The following RGS22 variants were observed in gnomAD, a reference collection of about 807,000 sequenced individuals.
RGS22 encodes the protein regulator of G protein signaling 22, also known as regulator of G-protein signaling 22.
In RGS22, 148 loss-of-function variants were observed where a neutral mutation model predicts 172.9. The observed-to-expected ratio is 0.86, with a 90% confidence interval of 0.75 to 0.98. The LOEUF (loss-of-function observed/expected upper bound fraction) is 0.98, where lower values mean the gene tolerates loss of function less well. RGS22 is among the 50% of genes least tolerant of loss of function. The pLI is 0.00. For missense variants in RGS22, 1,347 were observed against 1,440.8 expected (o/e 0.93, Z 1.05); for synonymous variants, 458 against 480.2 (o/e 0.95, Z 0.60).
chr8:100,051,443 TA>T (rs1283469948), intron 10 of RGS22, among the ~76,000 whole-genome samples: 6 of 100,926 alleles, frequency 5.9e-5, no homozygotes, highest in African/African-American at 2.0e-4. Context: ...TTTATATATT[TA>T]TTTATATTAT....
intron 3 of RGS22, among the ~76,000 whole-genome samples, chr8:100,083,347 A>G (rs908313592): frequency 5.3e-5 from 8 of 152,182 alleles, no homozygotes; most frequent in Non-Finnish European, 1.0e-4. Context: ...CCAGGGCAGT[A>G]TTTAAAGCAG....
In RGS22 at chr8:99,982,067, G is replaced by A. The variant is rs1812611927; in HGVS notation, c.3230C>T (p.Thr1077Ile). The A allele has an allele frequency of 6.2e-7, 1 of 1,613,764 alleles. No homozygotes were observed. The highest frequency in any genetic ancestry group is 8.5e-7 in the Non-Finnish European group (1 of 1,179,788). The change falls in exon 22 of 28, where the codon ACA becomes ATA. Residue 1077 changes from threonine to isoleucine, a missense_variant. Transcript: ENST00000360863. ...CDESVIQKKI[T>I]TIINCFINSS... ...ATTAATAAAGCAGTTGATAATAGTT[G>A]TAATCTTCTTCTGGATGACAGACTC...
chr8:100,022,319 G>A (rs993451640), intron 14 of RGS22, among the ~76,000 whole-genome samples: 4 of 152,198 alleles, frequency 2.6e-5, no homozygotes, highest in Non-Finnish European at 5.9e-5. Flanking sequence ...CAAAGCAAAT[G>A]AGAGCCTAAG....
chr8:99,979,842 A>G (rs1812359365), intron 22 of RGS22, among the ~76,000 whole-genome samples: 1 of 152,204 alleles, frequency 6.6e-6, no homozygotes, highest in Non-Finnish European at 1.5e-5. Flanking sequence ...GTTACAGTCT[A>G]ATGGGAAAGT....
At chr8:100,018,149 T>A (rs1817204152) in intron 14 of RGS22, among the ~76,000 whole-genome samples, 1 of 151,222 alleles carries the variant, frequency 6.6e-6, no homozygotes. Context: ...AAATGCACAA[T>A]GTGCTGCTTT....
intron 3 of RGS22, among the ~76,000 whole-genome samples, chr8:100,091,293 CCAA>C (rs902673808): frequency 4.9e-5 from 5 of 101,822 alleles, no homozygotes; most frequent in Admixed American, 8.6e-5. Context: ...AAGAGGAACT[CCAA>C]AAAAAAAAAA....
chr8:100,099,979 T>C (rs949098257), intron 2 of RGS22, among the ~76,000 whole-genome samples: 3 of 152,186 alleles, frequency 2.0e-5, no homozygotes, highest in African/African-American at 4.8e-5. Flanking sequence ...ATATTTTGTT[T>C]GAAAAAAACC....
chr8:100,022,080 T>C (rs1817652600), intron 14 of RGS22, among the ~76,000 whole-genome samples: 1 of 152,296 alleles, frequency 6.6e-6, no homozygotes, highest in East Asian at 1.9e-4. Flanking sequence ...TGAGGAGCTA[T>C]GCCGAGAGCG....
At chr8:100,090,937 T>C (rs1812528843) in intron 3 of RGS22, among the ~76,000 whole-genome samples, 1 of 152,144 alleles carries the variant, frequency 6.6e-6, no homozygotes, top group Non-Finnish European at 1.5e-5. Flanking sequence ...AGTAACATGA[T>C]TCAATTTATT....
At chr8:100,049,116 G>C (rs536662662) in intron 10 of RGS22, among the ~76,000 whole-genome samples, 104 of 152,266 alleles carry the variant, frequency 6.8e-4, no homozygotes, top group African/African-American at 2.3e-3. Flanking sequence ...GTAACTGATG[G>C]GGATGGGTGG....
At chr8:100,021,946 T>C (rs1203531498) in intron 14 of RGS22, among the ~76,000 whole-genome samples, 1 of 152,194 alleles carries the variant, frequency 6.6e-6, no homozygotes, top group Non-Finnish European at 1.5e-5. Flanking sequence ...TCTGAGTTCA[T>C]ATGCGGCAGA....
chr8:99,968,428 ACT>A (rs1268921018), intron 23 of RGS22, among the ~76,000 whole-genome samples: 1 of 152,016 alleles, frequency 6.6e-6, no homozygotes, highest in African/African-American at 2.4e-5. Context: ...GTAATAACAA[ACT>A]CTTCTGAGCT....
At chr8:100,061,603 T>C (rs763455986) in intron 9 of RGS22, among the ~76,000 whole-genome samples, 18 of 152,250 alleles carry the variant, frequency 1.2e-4, no homozygotes, top group Non-Finnish European at 2.4e-4. Flanking sequence ...TGAGATACCA[T>C]CTCAAGCCAG....
At chr8:100,066,441 T>A in intron 6 of RGS22, 145 bp from the exon 7 acceptor site, 6 of 657,220 alleles carry the variant, frequency 9.1e-6, no homozygotes, top group Non-Finnish European at 1.4e-5. Flanking sequence ...AATAAAATTC[T>A]ACTGAAAAAA....
At chr8:100,104,432 G>A (rs1813760573) in intron 2 of RGS22, among the ~76,000 whole-genome samples, 1 of 151,346 alleles carries the variant, frequency 6.6e-6, no homozygotes, top group African/African-American at 2.4e-5. Context: ...GACTTGTTCT[G>A]TGTACCTCTA....
chr8:100,027,981 C>T (rs1818360635), intron 14 of RGS22, among the ~76,000 whole-genome samples: 1 of 152,052 alleles, frequency 6.6e-6, no homozygotes, highest in South Asian at 2.1e-4. Context: ...TTGTAAAATA[C>T]ATATTAAAAA....
intron 20 of RGS22, among the ~76,000 whole-genome samples, chr8:99,989,923 C>T (rs1407237760): frequency 7.9e-5 from 12 of 151,366 alleles, no homozygotes; most frequent in East Asian, 1.9e-4. Flanking sequence ...GATAGATAGA[C>T]AGATAGACAG....
chr8:100,010,280 G>C (rs1285294150), intron 14 of RGS22, among the ~76,000 whole-genome samples: 1 of 152,108 alleles, frequency 6.6e-6, no homozygotes, highest in Non-Finnish European at 1.5e-5. Context: ...GAGGTCAAGA[G>C]ATCGAGACCA....
At chr8:100,029,062 G>A (rs1483127415) in intron 14 of RGS22, among the ~76,000 whole-genome samples, 1 of 152,146 alleles carries the variant, frequency 6.6e-6, no homozygotes, top group Non-Finnish European at 1.5e-5. Flanking sequence ...AACTGAGGGT[G>A]GCCTTTAGCT....
Sources: allele counts gnomAD v4.1 joint callset (sites outside exome capture counted in the v4.1 genomes callset), GRCh38; gene constraint gnomAD v4.1.1; transcripts MANE v1.5; gene names NCBI Gene and HGNC (gene_info 2026-07-23, HGNC 2026-07-21).